Variants in ANXA10 observed in about 807,000 individuals in gnomAD.
ANXA10 encodes annexin 14.
Under a neutral mutation model 53.5 loss-of-function variants are expected in ANXA10, and 49 were observed. The ratio of observed to expected loss-of-function variants is 0.92; its 90% CI spans 0.73 to 1.16. The LOEUF is 1.16. ANXA10 is among the 50% of genes most tolerant of loss of function. The pLI is 0.00. For synonymous variants in ANXA10, 131 were observed against 128.9 expected (o/e 1.02, Z -0.11); for missense variants, 393 against 394.4 (o/e 1.00, Z 0.03).
intron 1 of ANXA10, among the ~76,000 whole-genome samples, chr4:168,116,996 G>GACAC (rs9312272): frequency 7.9e-5 from 12 of 151,012 alleles, no homozygotes; most frequent in African/African-American, 2.7e-4. Flanking sequence ...TTTTCACACA[G>GACAC]ACACACACAC....
chr4:168,162,596 C>A lies in ANXA10; in HGVS notation c.264C>A (p.Tyr88Ter). Residue 88 changes from tyrosine (Y) to a stop codon, truncating the protein, a stop_gained, in exon 4 of 12, where the codon TAC becomes TAA. Transcript: ENST00000359299. LOFTEE classifies it high-confidence loss of function. ...HFKDVMAGLM[Y>*]PPPLYDAHEL... is the part of the protein sequence containing the mutation. ...AAGATGTGATGGCTGGCCTCATGTA[C>A]CCACCACCACTGTATGATGCTCATG... is the stretch of plus-strand genomic sequence containing the variant. 6.2e-7 allele frequency: 1 copy of A among 1,613,930 alleles called. No homozygotes were observed. Among genetic ancestry groups the A allele is most frequent in the Non-Finnish European group, 8.5e-7 (1 of 1,179,900 alleles).
chr4:168,101,762 A>T (rs569676334), intron 1 of ANXA10, among the ~76,000 whole-genome samples: 1 of 152,190 alleles, frequency 6.6e-6, no homozygotes, highest in South Asian at 2.1e-4. Flanking sequence ...ATCTGCACAC[A>T]TCTATATTTA....
At chr4:168,184,047 A>T (rs964808103) in intron 10 of ANXA10, among the ~76,000 whole-genome samples, 5 of 152,224 alleles carry the variant, frequency 3.3e-5, no homozygotes, top group Non-Finnish European at 5.9e-5. Flanking sequence ...TAGAATTCTA[A>T]TTTTTTATAA....
chr4:168,133,948 A>G (rs983898663), intron 2 of ANXA10, among the ~76,000 whole-genome samples: 2 of 148,016 alleles, frequency 1.4e-5, no homozygotes, highest in African/African-American at 5.3e-5. Flanking sequence ...AGAAAAACTT[A>G]TAATGATTAC....
intron 11 of ANXA10, among the ~76,000 whole-genome samples, chr4:168,184,984 C>T (rs1431258857): frequency 6.6e-6 from 1 of 152,076 alleles, no homozygotes; most frequent in African/African-American, 2.4e-5. Flanking sequence ...GAAACCCCGT[C>T]TCTACTAAAA....
intron 2 of ANXA10, among the ~76,000 whole-genome samples, chr4:168,137,011 G>A (rs1168413767): frequency 6.6e-6 from 1 of 152,198 alleles, no homozygotes; most frequent in African/African-American, 2.4e-5. Flanking sequence ...TTTTCAGCTT[G>A]CACCCTCTGG....
At chr4:168,148,177 T>G (rs1417024373) in intron 3 of ANXA10, among the ~76,000 whole-genome samples, 1 of 150,560 alleles carries the variant, frequency 6.6e-6, no homozygotes, top group Non-Finnish European at 1.5e-5. Flanking sequence ...TGTGACAATT[T>G]TTTTTTTTTT....
intron 10 of ANXA10, among the ~76,000 whole-genome samples, chr4:168,182,480 G>A (rs1388895978): frequency 4.0e-5 from 6 of 149,402 alleles, no homozygotes; most frequent in South Asian, 2.1e-4. Context: ...ACAGGTACCC[G>A]CCACCACACC....
chr4:168,123,879 T>C (rs1425626610), intron 1 of ANXA10, among the ~76,000 whole-genome samples: 1 of 152,188 alleles, frequency 6.6e-6, no homozygotes, highest in African/African-American at 2.4e-5. Context: ...GAGAGGAATT[T>C]TGCCTCATTT....
At chr4:168,172,703 A>C (rs1258907033) in intron 6 of ANXA10, among the ~76,000 whole-genome samples, 1 of 152,182 alleles carries the variant, frequency 6.6e-6, no homozygotes, top group Non-Finnish European at 1.5e-5. Context: ...ATTATATAAA[A>C]TATTAGAAGG....
At chr4:168,107,306 T>TAC (rs1730734549) in intron 1 of ANXA10, among the ~76,000 whole-genome samples, 1 of 152,142 alleles carries the variant, frequency 6.6e-6, no homozygotes, top group African/African-American at 2.4e-5. Flanking sequence ...TAGGAGCAAT[T>TAC]TAAGTGTTTA....
intron 3 of ANXA10, among the ~76,000 whole-genome samples, chr4:168,152,144 T>C (rs1047003814): frequency 6.6e-6 from 1 of 152,094 alleles, no homozygotes; most frequent in East Asian, 1.9e-4. Context: ...TAGAAGGCAA[T>C]AAATGCTTTG....
intron 3 of ANXA10, among the ~76,000 whole-genome samples, chr4:168,159,536 C>A (rs1248027339): frequency 6.6e-6 from 1 of 152,114 alleles, no homozygotes; most frequent in South Asian, 2.1e-4. Context: ...TAGGCGGGAG[C>A]ATTAACTACA....
At position 168,139,489 on chromosome 4, in the gene ANXA10, GTGACAAAGACATGC is replaced by G; in HGVS notation, c.108_121del (p.Lys37GlnfsTer53). ...TTCAAATATTATTCTTTTCCAGACT[GTGACAAAGACATGC>G]TGATCAACATTCTGACTCAGCGCTG... On this transcript the variant is annotated frameshift_variant, in exon 3 of 12. Transcript: ENST00000359299. LOFTEE classifies it high-confidence loss of function. 1.2e-6 allele frequency: 2 copies of G among 1,611,632 alleles called. No individual in the cohort carries two copies. Among genetic ancestry groups the G allele is most frequent in the Non-Finnish European group, 8.5e-7 (1 of 1,178,172 alleles).
chr4:168,133,773 G>A (rs1017268912), intron 2 of ANXA10, among the ~76,000 whole-genome samples: 87 of 151,998 alleles, frequency 5.7e-4, no homozygotes, highest in African/African-American at 1.9e-3. Flanking sequence ...CTAATTCAGT[G>A]TTCATGGCAA....
intron 1 of ANXA10, among the ~76,000 whole-genome samples, chr4:168,116,926 A>G (rs1337429013): frequency 2.6e-5 from 4 of 151,990 alleles, no homozygotes; most frequent in Admixed American, 2.6e-4. Context: ...ATTTACTAGC[A>G]ATTATTTCTC....
At chr4:168,162,449 A>T in intron 3 of ANXA10, 79 bp from the exon 4 acceptor site, 1 of 983,060 alleles carries the variant, frequency 1.0e-6, no homozygotes, top group South Asian at 1.4e-5. Context: ...AGAAAATATT[A>T]AAAGACTTTC....
At chr4:168,155,102 C>T (rs1236980354) in intron 3 of ANXA10, among the ~76,000 whole-genome samples, 2 of 149,794 alleles carry the variant, frequency 1.3e-5, no homozygotes, top group African/African-American at 5.0e-5. Flanking sequence ...AGAACAGTAC[C>T]TTCTCTGTCC....
chr4:168,159,331 T>C (rs1199993709), intron 3 of ANXA10, among the ~76,000 whole-genome samples: 1 of 152,232 alleles, frequency 6.6e-6, no homozygotes, highest in African/African-American at 2.4e-5. Flanking sequence ...TCTAGGTTTA[T>C]AAGGGATATC....
Sources: allele counts gnomAD v4.1 joint callset (sites outside exome capture counted in the v4.1 genomes callset), GRCh38; gene constraint gnomAD v4.1.1; transcripts MANE v1.5; gene names NCBI Gene and HGNC (gene_info 2026-07-23, HGNC 2026-07-21).